SPAG16: variants seen among roughly 807,000 people sequenced by gnomAD.
SPAG16 encodes the protein sperm-associated antigen 16 protein.
SPAG16 carries 86 observed loss-of-function variants against 80.4 expected under a neutral mutation model. The ratio of observed to expected loss-of-function variants is 1.07; its 90% confidence interval spans 0.90 to 1.28. The LOEUF is 1.28. Ranked by LOEUF, SPAG16 falls within the 50% of genes most tolerant of loss-of-function variation. The pLI is 0.00. For missense variants in SPAG16, 870 were observed against 765.3 expected (o/e 1.14, Z -1.61); for synonymous variants, 294 against 265.9 (o/e 1.11, Z -1.03).
chr2:213,842,299 T>C (rs2074399693), intron 10 of SPAG16, among the ~76,000 whole-genome samples: 1 of 152,188 alleles, frequency 6.6e-6, no homozygotes, highest in African/African-American at 2.4e-5. Flanking sequence ...TTGTATATTT[T>C]GAACATAGGT....
chr2:213,695,711 C>T (rs897376150), intron 10 of SPAG16, among the ~76,000 whole-genome samples: 1 of 152,178 alleles, frequency 6.6e-6, no homozygotes, highest in African/African-American at 2.4e-5. Flanking sequence ...AGAGGAGAAG[C>T]ATGTGAATTC....
chr2:213,318,386 G>T (rs1035138568), intron 5 of SPAG16, among the ~76,000 whole-genome samples: 5 of 151,966 alleles, frequency 3.3e-5, no homozygotes, highest in African/African-American at 1.2e-4. Flanking sequence ...CACCCTTAGT[G>T]AAATGACTCA....
At chr2:213,820,892 A>G (rs1205578223) in intron 10 of SPAG16, among the ~76,000 whole-genome samples, 1 of 152,092 alleles carries the variant, frequency 6.6e-6, no homozygotes, top group Non-Finnish European at 1.5e-5. Flanking sequence ...CATGTAAATA[A>G]TTATTAAATG....
intron 15 of SPAG16, among the ~76,000 whole-genome samples, chr2:214,373,329 C>G (rs919359144): frequency 1.3e-5 from 2 of 152,078 alleles, no homozygotes; most frequent in African/African-American, 4.8e-5. Flanking sequence ...TTTCATGATG[C>G]TACTGATTAC....
intron 10 of SPAG16, among the ~76,000 whole-genome samples, chr2:213,522,798 A>AATATATATAT (rs34910737): frequency 6.8e-6 from 1 of 146,770 alleles, no homozygotes; most frequent in Non-Finnish European, 1.5e-5. Context: ...TTACATGCCA[A>AATATATATAT]ATATATATAT....
chr2:213,892,915 T>C (rs113930613), intron 11 of SPAG16, among the ~76,000 whole-genome samples: 7 of 152,224 alleles, frequency 4.6e-5, no homozygotes, highest in Non-Finnish European at 1.0e-4. Context: ...TTTCCAAACT[T>C]GTGTGGAGAA....
chr2:214,035,927 A>T (rs1034349837), intron 13 of SPAG16, among the ~76,000 whole-genome samples: 3 of 152,066 alleles, frequency 2.0e-5, no homozygotes, highest in Admixed American at 6.5e-5. Context: ...TGCCTTCCCC[A>T]CTGCAGCCGG....
At chr2:214,000,071 T>C (rs1371291312) in intron 12 of SPAG16, among the ~76,000 whole-genome samples, 1 of 152,156 alleles carries the variant, frequency 6.6e-6, no homozygotes, top group Non-Finnish European at 1.5e-5. Context: ...TGGGGGACTG[T>C]TGGGAAGGCA....
chr2:214,391,321 TAAA>T (rs1701068519), intron 15 of SPAG16, among the ~76,000 whole-genome samples: 1 of 152,070 alleles, frequency 6.6e-6, no homozygotes, highest in Non-Finnish European at 1.5e-5. Flanking sequence ...GAAGGAAAAA[TAAA>T]AATATTTTTG....
intron 13 of SPAG16, among the ~76,000 whole-genome samples, chr2:214,057,936 CCT>C (rs574858005): frequency 6.7e-6 from 1 of 149,102 alleles, no homozygotes; most frequent in South Asian, 2.1e-4. Context: ...TTTTTTTTTT[CCT>C]CTCTCAGCCT....
At chr2:214,179,478 G>T (rs2057240056) in intron 15 of SPAG16, among the ~76,000 whole-genome samples, 1 of 151,362 alleles carries the variant, frequency 6.6e-6, no homozygotes, top group Admixed American at 6.6e-5. Context: ...TCTCAGAGGA[G>T]CATTCCCTCT....
intron 10 of SPAG16, among the ~76,000 whole-genome samples, chr2:213,670,138 G>C (rs2125217318): frequency 6.6e-6 from 1 of 152,066 alleles, no homozygotes; most frequent in Admixed American, 6.6e-5. Flanking sequence ...GAGACTACAG[G>C]TGCCTGCCAC....
intron 10 of SPAG16, among the ~76,000 whole-genome samples, chr2:213,687,290 A>G (rs554288637): frequency 1.3e-5 from 2 of 152,312 alleles, no homozygotes; most frequent in South Asian, 2.1e-4. Context: ...CAAGTCATTT[A>G]TCACTTGAAT....
At chr2:213,921,466 G>C (rs1332489767) in intron 11 of SPAG16, among the ~76,000 whole-genome samples, 1 of 152,092 alleles carries the variant, frequency 6.6e-6, no homozygotes, top group Non-Finnish European at 1.5e-5. Flanking sequence ...GCATACTATT[G>C]GGTCTTCCTT....
intron 12 of SPAG16, among the ~76,000 whole-genome samples, chr2:213,935,966 A>G (rs1190216486): frequency 6.6e-6 from 1 of 152,228 alleles, no homozygotes; most frequent in African/African-American, 2.4e-5. Context: ...ATAATTACAT[A>G]TAATATTTAG....
chr2:214,272,872 C>A (rs1289641292), intron 15 of SPAG16, among the ~76,000 whole-genome samples: 1 of 152,088 alleles, frequency 6.6e-6, no homozygotes, highest in East Asian at 1.9e-4. Context: ...ACCACACTGT[C>A]TTCCACAATG....
intron 13 of SPAG16, among the ~76,000 whole-genome samples, chr2:214,067,760 C>A (rs1230288304): frequency 6.6e-6 from 1 of 151,924 alleles, no homozygotes; most frequent in Non-Finnish European, 1.5e-5. Context: ...ATATTATTTT[C>A]ATGCTATCAA....
intron 13 of SPAG16, among the ~76,000 whole-genome samples, chr2:214,102,351 G>C (rs1480009297): frequency 6.7e-6 from 1 of 150,024 alleles, no homozygotes; most frequent in African/African-American, 2.4e-5. Flanking sequence ...GAAACAAAAT[G>C]GGGTGACCTA....
At chr2:213,867,761 A>G (rs1399658362) in intron 11 of SPAG16, among the ~76,000 whole-genome samples, 1 of 89,372 alleles carries the variant, frequency 1.1e-5, no homozygotes, top group Non-Finnish European at 2.9e-5. Flanking sequence ...TCTCCACTAA[A>G]AATACAAAAA....
Sources: gnomAD v4.1 joint callset for allele counts (sites outside exome capture counted in the v4.1 genomes callset) on GRCh38, gnomAD v4.1.1 for gene constraint, MANE v1.5 for transcripts, NCBI Gene and HGNC (gene_info 2026-07-23, HGNC 2026-07-21) for gene names.